BYSL: variants seen among roughly 807,000 people sequenced by gnomAD.
BYSL encodes bystin like, also known as bystin.
In BYSL, 21 loss-of-function variants were observed where a neutral mutation model predicts 45.4. The ratio of observed to expected loss-of-function variants is 0.46; its 90% CI spans 0.33 to 0.67. BYSL has a LOEUF of 0.67. Among genes scored for constraint, BYSL ranks in the 30% least tolerant of loss-of-function variants. The probability of loss-of-function intolerance (pLI) is 0.02; values close to 1 mark genes in which losing one functional copy is unlikely to be tolerated. For missense variants in BYSL, 522 were observed against 578.5 expected (o/e 0.90, Z 1.00); for synonymous variants, 215 against 231.3 (o/e 0.93, Z 0.64).
At chr6:41,915,506 C>CACAT in the BYSL span, among the ~76,000 whole-genome samples, 51 of 151,336 alleles carry the variant, frequency 3.4e-4, 1 homozygote, top group East Asian at 7.6e-3. Flanking sequence ...AAAACACACA[C>CACAT]GCTGGGCGCG....
intron 3 of BYSL, 161 bp from the exon 4 acceptor site, chr6:41,930,474 C>G (rs1775621337): frequency 1.6e-6 from 2 of 1,220,978 alleles, no homozygotes; most frequent in South Asian, 3.2e-5. Flanking sequence ...CTGGAACTCT[C>G]ACTGGTCATC....
In BYSL at chr6:41,931,405, C is replaced by T; in HGVS notation, c.714C>T (p.Ala238=). Residue 238 remains alanine, a synonymous_variant, in exon 5 of 7, where the codon GCC becomes GCT. Transcript: ENST00000230340. ...AAMYQATRIF[A]SNLKERMAQR... ...GCTTAACTCCCACTAGGATTTTTGC[C>T]TCTAACCTGAAGGAACGCATGGCCC... 5.6e-6 allele frequency: 9 copies of T among 1,614,040 alleles called. No individual in the cohort carries two copies. The highest frequency in any genetic ancestry group is 7.6e-6 in the Non-Finnish European group (9 of 1,179,988).
intron 2 of BYSL, among the ~76,000 whole-genome samples, chr6:41,928,157 A>G (rs1229458587): frequency 6.6e-6 from 1 of 152,208 alleles, no homozygotes; most frequent in Non-Finnish European, 1.5e-5. Context: ...GCTAGCTCCA[A>G]AACATGCAGG....
upstream of BYSL, among the ~76,000 whole-genome samples, chr6:41,918,876 A>G (rs557910034): frequency 7.5e-3 from 998 of 132,810 alleles, 5 homozygotes; most frequent in South Asian, 0.019. Context: ...GAACCCGGGA[A>G]GCGGAGCTTG....
At chr6:41,926,596 G>A (rs922063252) in intron 1 of BYSL, among the ~76,000 whole-genome samples, 11 of 151,436 alleles carry the variant, frequency 7.3e-5, no homozygotes, top group Admixed American at 3.3e-4. Context: ...GACTACAGGC[G>A]CCCACCACCA....
chr6:41,921,929 A>G (rs547980429), intron 1 of BYSL, 99 bp downstream of exon 1: 3 of 1,448,400 alleles, frequency 2.1e-6, no homozygotes, highest in Middle Eastern at 2.5e-4. Flanking sequence ...TCGAGTCAAC[A>G]AAGGGGTCCG....
upstream of BYSL, among the ~76,000 whole-genome samples, chr6:41,920,308 T>C (rs1470302495): frequency 1.3e-5 from 2 of 152,094 alleles, no homozygotes; most frequent in East Asian, 1.9e-4. Context: ...AATGAGCAAA[T>C]TAGAAACAGA....
At chr6:41,911,022 G>A in the BYSL span, among the ~76,000 whole-genome samples, 1 of 150,168 alleles carries the variant, frequency 6.7e-6, no homozygotes, top group Non-Finnish European at 1.5e-5. Flanking sequence ...GGCAGGAGAA[G>A]CGCTTGAACC....
At chr6:41,909,958 C>T in the BYSL span, among the ~76,000 whole-genome samples, 5 of 152,154 alleles carry the variant, frequency 3.3e-5, no homozygotes, top group African/African-American at 1.2e-4. Flanking sequence ...TTCTTCTGCA[C>T]ACTCTTCCTC....
rs182672732 is a variant in BYSL at position 41,930,456 on chromosome 6, G to A, written c.571-179G>A. 1.0e-3 allele frequency: 1,210 copies of A among 1,210,184 alleles called. 9 individuals are homozygous for A. The African/African-American group carries it at 0.016, about 16-fold the overall frequency. The allele number at this position is 1,210,184 out of a possible 1,614,324, so 75.0% of individuals were successfully genotyped here. On this transcript the variant is annotated intron_variant, in intron 3 of 6. Transcript: ENST00000230340. The stretch of plus-strand genomic sequence containing the variant: ...CCTGTAAATGACTTGGCATCCTTGG[G>A]TCGGTTACTGGAACTCTCACTGGTC...
In BYSL at chr6:41,921,718, C is replaced by T; in HGVS notation, c.156C>T (p.Pro52=). ...AAGCGGAGGAAGAGTATGTGGGGCC[C>T]CGGCTGAGCCGACGGATTTTGCAGC... ...TGEAEEEYVG[P]RLSRRILQQA... is the part of the protein sequence containing the mutation. The change falls in exon 1 of 7, where the codon CCC becomes CCT. Residue 52 remains proline, a synonymous_variant. Coordinates refer to ENST00000230340, the MANE Select transcript of BYSL (RefSeq NM_004053.4). 6.2e-7 allele frequency: 1 copy of T among 1,613,444 alleles called. No individual in the cohort carries two copies. The highest frequency in any genetic ancestry group is 8.5e-7 in the Non-Finnish European group (1 of 1,179,848).
chr6:41,910,241 C>G, the BYSL span, among the ~76,000 whole-genome samples: 3 of 152,210 alleles, frequency 2.0e-5, no homozygotes, highest in African/African-American at 7.2e-5. Context: ...CCCCAGCTCA[C>G]CCCTTCCAGT....
chr6:41,921,469 G>A (rs1351280242), upstream of BYSL: 5 of 1,454,376 alleles, frequency 3.4e-6, no homozygotes, highest in Non-Finnish European at 4.6e-6. Flanking sequence ...ATCGCCGGGC[G>A]GCCTCTTGGG....
intron 1 of BYSL, among the ~76,000 whole-genome samples, chr6:41,922,904 C>G (rs1775507934): frequency 6.6e-6 from 1 of 152,128 alleles, no homozygotes; most frequent in East Asian, 1.9e-4. Context: ...TTCATTTGCT[C>G]GAGATAAACT....
chr6:41,923,151 T>C lies in BYSL; in HGVS notation c.268+1321T>C, dbSNP rs549968458. On this transcript the variant is annotated intron_variant, in intron 1 of 6. Coordinates refer to ENST00000230340, the MANE Select transcript of BYSL (RefSeq NM_004053.4). ...CCGTTTTTTCTTTTTTTCTTTTTTT[T>C]TTGAGACAGAGTCTCTCTCTCTCTC... Among the ~76,000 whole-genome samples, 726 of 152,182 alleles carry C rather than the reference T, an allele frequency of 4.8e-3. 4 individuals carry two copies. Among genetic ancestry groups the C allele is most frequent in the African/African-American group, 0.016 (682 of 41,502 alleles).
Position 41,931,445 on chromosome 6 carries a change from C to A in BYSL, c.754C>A (p.Leu252Ile), listed in dbSNP as rs1459688422. The change falls in exon 5 of 7, where the codon CTT becomes ATT. Residue 252 changes from leucine (L) to isoleucine (I), a missense_variant. Transcript: ENST00000230340. ...ACGCATGGCCCAGCGCTTCTACAAC[C>A]TTGTCCTGCTCCCTCGAGTACGAGA... ...KERMAQRFYNLVLLPRVRDDV... is the reference protein window; with the variant it reads ...KERMAQRFYNIVLLPRVRDDV... The A allele has an allele frequency of 6.2e-7, 1 of 1,614,172 alleles. No individual in the cohort carries two copies.
intron 1 of BYSL, 77 bp downstream of exon 1, chr6:41,921,907 A>G: frequency 4.7e-6 from 7 of 1,497,874 alleles, no homozygotes; most frequent in Non-Finnish European, 6.2e-6. Context: ...AGTGTCTGGC[A>G]GGGGAATTGC....
chr6:41,909,437 A>C, the BYSL span: 3 of 1,614,248 alleles, frequency 1.9e-6, no homozygotes, highest in South Asian at 3.3e-5. Context: ...TGTCAGCAAT[A>C]AGGCAAGGGC....
At position 41,921,543 on chromosome 6, in the gene BYSL, C is replaced by A. The variant is rs202135065; in HGVS notation, c.-20C>A. The A allele has an allele frequency of 1.3e-6, 2 of 1,552,188 alleles. No homozygotes were observed. Among genetic ancestry groups the A allele is most frequent in the Admixed American group, 1.9e-5 (1 of 53,108 alleles). On this transcript the variant is annotated 5_prime_UTR_variant, in exon 1 of 7. Transcript: ENST00000230340. ...TTCAGTCCCCACGTGCGATCCTTCC[C>A]GGCAACTTTTTCGAGAAAAATGCCC...
Sources: allele counts gnomAD v4.1 joint callset (sites outside exome capture counted in the v4.1 genomes callset), GRCh38; gene constraint gnomAD v4.1.1; transcripts MANE v1.5; gene names NCBI Gene and HGNC (gene_info 2026-07-23, HGNC 2026-07-21).